The following RAB11FIP1 variants were observed in gnomAD, a reference collection of about 807,000 sequenced individuals.
RAB11FIP1 encodes the protein RAB11 family interacting protein 1.
In RAB11FIP1, 49 loss-of-function variants were observed where a neutral mutation model predicts 83.1. That is an observed-to-expected ratio of 0.59 (90% CI 0.47 to 0.75). The LOEUF is 0.75. Ranked by LOEUF, RAB11FIP1 falls within the 30% of genes least tolerant of loss-of-function variation. The pLI, the probability that RAB11FIP1 is intolerant of heterozygous loss-of-function variation, is 0.00. For synonymous variants in RAB11FIP1, 670 were observed against 656.0 expected (o/e 1.02, Z -0.33); for missense variants, 1,536 against 1,598.7 (o/e 0.96, Z 0.67).
At position 37,874,558 on chromosome 8, in the gene RAB11FIP1, T is replaced by C. The variant is rs552972781; in HGVS notation, c.1579A>G (p.Ile527Val). 30 of 1,614,060 alleles carry C rather than the reference T, an allele frequency of 1.9e-5. No individual in the cohort carries two copies. The highest frequency in any genetic ancestry group is 3.3e-5 in the Admixed American group (2 of 60,000). ...PESKSEPRPP[I>V]SSPRAPQTRA... is the part of the protein sequence containing the mutation. ...GTCTGGGGAGCCCTCGGAGAGGAAA[T>C]TGGAGGTCTCGGTTCAGACTTGGAC... The change falls in exon 3 of 6, where the codon ATT (isoleucine) becomes GTT (valine). Residue 527 changes from isoleucine (I) to valine (V), a missense_variant. Physicochemically the swap from Ile to Val is conservative, Grantham distance 29. Transcript: ENST00000330843.
At chr8:37,868,247 C>T (rs1806381618) in intron 5 of RAB11FIP1, among the ~76,000 whole-genome samples, 1 of 151,990 alleles carries the variant, frequency 6.6e-6, no homozygotes, top group Non-Finnish European at 1.5e-5. Context: ...CATGGCAAAA[C>T]CCCGTCTCTA....
intron 5 of RAB11FIP1, among the ~76,000 whole-genome samples, chr8:37,865,127 C>G (rs1806317451): frequency 6.6e-6 from 1 of 151,694 alleles, no homozygotes; most frequent in Non-Finnish European, 1.5e-5. Context: ...AGAATACGTC[C>G]TCAAGGGATT....
intron 1 of RAB11FIP1, among the ~76,000 whole-genome samples, chr8:37,888,557 C>T (rs1194926733): frequency 2.0e-5 from 3 of 152,018 alleles, no homozygotes; most frequent in Non-Finnish European, 2.9e-5. Flanking sequence ...CGGCTCACTG[C>T]AGTCTCAACT....
chr8:37,862,100 C>G lies in RAB11FIP1; in HGVS notation c.*795G>C, dbSNP rs1585424517. ...GCGCTGAATAGGCTGGTCTAGCCAG[C>G]AGGAACCTGGCTGTCATAAGAGGAG... On this transcript the variant is annotated 3_prime_UTR_variant, in exon 6 of 6. Transcript: ENST00000330843. 2 of 152,626 alleles carry G rather than the reference C, an allele frequency of 1.3e-5. No individual in the cohort carries two copies. Among genetic ancestry groups the G allele is most frequent in the African/African-American group, 4.8e-5 (2 of 41,458 alleles). 9.5% of individuals were successfully genotyped at this position (152,626 alleles called of 1,614,324 possible).
chr8:37,895,260 T>TATATGTATATATA (rs1232747968), intron 1 of RAB11FIP1, among the ~76,000 whole-genome samples: 2 of 4,330 alleles, frequency 4.6e-4, no homozygotes, highest in Admixed American at 5.7e-3. Context: ...TATATATATA[T>TATATGTATATATA]TTTTTTTTTT....
chr8:37,894,716 A>G (rs1347018679), intron 1 of RAB11FIP1, among the ~76,000 whole-genome samples: 1 of 147,008 alleles, frequency 6.8e-6, no homozygotes, highest in Non-Finnish European at 1.5e-5. Flanking sequence ...ATATACATAT[A>G]TATATACATA....
chr8:37,879,653 C>T (rs1054458316), intron 1 of RAB11FIP1, among the ~76,000 whole-genome samples: 1 of 152,090 alleles, frequency 6.6e-6, no homozygotes, highest in Non-Finnish European at 1.5e-5. Context: ...GAGGCCAAGG[C>T]GGGCAGATCA....
At chr8:37,890,995 C>T (rs1471056321) in intron 1 of RAB11FIP1, among the ~76,000 whole-genome samples, 1 of 152,150 alleles carries the variant, frequency 6.6e-6, no homozygotes, top group Non-Finnish European at 1.5e-5. Flanking sequence ...CTCACAGATG[C>T]ATTTATTGAG....
chr8:37,889,078 T>C (rs903658134), intron 1 of RAB11FIP1, among the ~76,000 whole-genome samples: 2 of 151,928 alleles, frequency 1.3e-5, no homozygotes, highest in Non-Finnish European at 2.9e-5. Flanking sequence ...ATTACAGGCA[T>C]GAGCCACCGC....
At chr8:37,885,674 G>GA (rs1358006844) in intron 1 of RAB11FIP1, among the ~76,000 whole-genome samples, 1 of 152,194 alleles carries the variant, frequency 6.6e-6, no homozygotes, top group African/African-American at 2.4e-5. Flanking sequence ...ATACAATGCA[G>GA]AAAAAAACAT....
intron 4 of RAB11FIP1, 46 bp downstream of exon 4, chr8:37,871,232 G>A (rs2070493): frequency 0.073 from 112,700 of 1,542,588 alleles, 4,606 homozygotes; most frequent in East Asian, 0.14. Context: ...GGAAGCAAAG[G>A]GGGACATTGC....
intron 1 of RAB11FIP1, among the ~76,000 whole-genome samples, chr8:37,881,098 A>G (rs10955035): frequency 0.41 from 62,423 of 152,090 alleles, 13,538 homozygotes; most frequent in Non-Finnish European, 0.49. Flanking sequence ...CCTAACACCT[A>G]AACAGCACCT....
intron 1 of RAB11FIP1, among the ~76,000 whole-genome samples, chr8:37,886,527 G>A (rs1180997432): frequency 6.6e-6 from 1 of 152,190 alleles, no homozygotes; most frequent in Non-Finnish European, 1.5e-5. Flanking sequence ...TTAATTTCAA[G>A]GGATCATCAT....
Position 37,872,710 on chromosome 8 carries a change from C to T in RAB11FIP1, c.2092G>A (p.Glu698Lys). The change falls in exon 4 of 6, where the codon GAA (glutamate) becomes AAA (lysine). Residue 698 changes from glutamate to lysine, a missense_variant. Coordinates refer to ENST00000330843, the MANE Select transcript of RAB11FIP1 (RefSeq NM_001002814.3). ...ELEESLPEQPETGRQEEELPR... is the reference protein window; with the variant it reads ...ELEESLPEQPKTGRQEEELPR... ...AGTTCTTCCTCTTGTCGCCCTGTTTCAGGCTGCTCTGGGAGAGACTCCTCC... is the reference window on the plus strand; with the variant it reads ...AGTTCTTCCTCTTGTCGCCCTGTTTTAGGCTGCTCTGGGAGAGACTCCTCC... The T allele has an allele frequency of 6.2e-7, 1 of 1,614,200 alleles. No individual in the cohort carries two copies. The highest frequency in any genetic ancestry group is 1.1e-5 in the South Asian group (1 of 91,080).
At chr8:37,870,844 G>C (rs1806438054) in intron 4 of RAB11FIP1, 1 of 307,886 alleles carries the variant, frequency 3.2e-6, no homozygotes, top group Admixed American at 4.7e-5. Context: ...TAGAGCCTAG[G>C]CATTCACTGT....
rs1806200779 is a variant in RAB11FIP1, at chr8:37,859,794, A to G, written c.*3101T>C. 6.6e-6 allele frequency: 1 copy of G among 152,192 alleles called. No individual in the cohort carries two copies. The highest frequency in any genetic ancestry group is 6.5e-5 in the Admixed American group (1 of 15,284). The allele number at this position is 152,192 out of a possible 1,614,324, so 9.4% of individuals were successfully genotyped here. A position where few individuals can be genotyped will look rare whatever the true frequency, so the allele number is the denominator to read the frequency against. ...CAGCAGCCTCCCAGGGCCTGTCAGC[A>G]TCTGCAGCAGCTGGAAGGAGGTCCC... On this transcript the variant is annotated 3_prime_UTR_variant, in exon 6 of 6. Transcript: ENST00000330843.
rs1328621975 is a variant in RAB11FIP1 at position 37,877,364 on chromosome 8, C to T, written c.559G>A (p.Asp187Asn). 2 of 1,614,202 alleles carry T rather than the reference C, an allele frequency of 1.2e-6. No individual in the cohort carries two copies. Among genetic ancestry groups the T allele is most frequent in the Non-Finnish European group, 8.5e-7 (1 of 1,180,034 alleles). The change falls in exon 2 of 6, where the codon GAC becomes AAC. Residue 187 changes from aspartate (D) to asparagine (N), a missense_variant. By Grantham distance (23) the Asp-to-Asn change is conservative. Transcript: ENST00000330843. Reference sequence around the variant, plus strand: ...CTAGGGATGATGGCGGAGGCGGTGTCTGACCCACTGTCCTTATTCTTCCCC... The same window carrying T: ...CTAGGGATGATGGCGGAGGCGGTGTTTGACCCACTGTCCTTATTCTTCCCC... Reference protein sequence around the residue: ...IKGKNKDSGSDTASAIIPSTT... With the variant: ...IKGKNKDSGSNTASAIIPSTT...
intron 5 of RAB11FIP1, among the ~76,000 whole-genome samples, chr8:37,864,896 G>A (rs1202334955): frequency 1.3e-5 from 2 of 151,486 alleles, no homozygotes; most frequent in Non-Finnish European, 2.9e-5. Context: ...GAGCCCTAGC[G>A]ATTGATTACA....
At chr8:37,878,690 A>AT (rs199920389) in intron 1 of RAB11FIP1, among the ~76,000 whole-genome samples, 11 of 149,460 alleles carry the variant, frequency 7.4e-5, no homozygotes, top group Non-Finnish European at 1.2e-4. Context: ...ACAACACAGA[A>AT]TTAAAAAAAA....
Sources: gnomAD v4.1 joint callset for allele counts (sites outside exome capture counted in the v4.1 genomes callset) on GRCh38, gnomAD v4.1.1 for gene constraint, MANE v1.5 for transcripts, NCBI Gene and HGNC (gene_info 2026-07-23, HGNC 2026-07-21) for gene names.